ANK1: variants seen among roughly 807,000 people sequenced by gnomAD.
The protein encoded by ANK1 is ankyrin-1.
Under a neutral mutation model 210.4 loss-of-function variants are expected in ANK1, and 51 were observed. That is an observed-to-expected ratio of 0.24 (90% CI 0.19 to 0.31). The LOEUF is 0.31. Among genes scored for constraint, ANK1 ranks in the 10% least tolerant of loss-of-function variants. The probability of loss-of-function intolerance (pLI) is 1.00; values close to 1 mark genes in which losing one functional copy is unlikely to be tolerated. For missense variants in ANK1, 2,051 were observed against 2,504.4 expected, an observed-to-expected ratio of 0.82 and a Z score of 3.86; for synonymous variants, 967 against 1,025.9, an observed-to-expected ratio of 0.94 and a Z score of 1.10.
intron 1 of ANK1, among the ~76,000 whole-genome samples, chr8:41,790,287 C>T (rs1213870182): frequency 6.6e-6 from 1 of 152,064 alleles, no homozygotes; most frequent in Non-Finnish European, 1.5e-5. Context: ...GCTGAGATTA[C>T]AGGCACCCAC....
Position 41,725,836 on chromosome 8 carries a change from G to A in ANK1, c.537C>T (p.Ile179=), listed in dbSNP as rs2150658976. ...KGKVRLPALH[I]AARNDDTRTA... ...TGCGCGTGTCGTCGTTGCGGGCCGC[G>A]ATGTGCAGGGCCGGGAGGCGCACCT... Residue 179 remains isoleucine (I), a synonymous_variant, in exon 6 of 43, where the codon ATC becomes ATT. Transcript: ENST00000289734. 6.2e-7 allele frequency: 1 copy of A among 1,612,022 alleles called. No homozygotes were observed. The highest frequency in any genetic ancestry group is 8.5e-7 in the Non-Finnish European group (1 of 1,179,616).
chr8:41,882,425 C>T (rs1004999756), intron 1 of ANK1, among the ~76,000 whole-genome samples: 1 of 152,158 alleles, frequency 6.6e-6, no homozygotes, highest in African/African-American at 2.4e-5. Context: ...TCCCCAGCCC[C>T]AGCTGAGCAG....
chr8:41,690,845 G>A (rs1172052621), intron 31 of ANK1, among the ~76,000 whole-genome samples: 1 of 152,218 alleles, frequency 6.6e-6, no homozygotes, highest in East Asian at 1.9e-4. Context: ...TCCCTGAGAT[G>A]TTGATGGGAA....
At chr8:41,833,017 G>A (rs1487238577) in intron 1 of ANK1, among the ~76,000 whole-genome samples, 1 of 152,194 alleles carries the variant, frequency 6.6e-6, no homozygotes, top group South Asian at 2.1e-4. Context: ...TGAGGAAGGG[G>A]CACAAAAGGC....
At chr8:41,838,662 A>G (rs1808254210) in intron 1 of ANK1, among the ~76,000 whole-genome samples, 1 of 151,814 alleles carries the variant, frequency 6.6e-6, no homozygotes, top group Admixed American at 6.6e-5. Context: ...GCTACTCAGG[A>G]GGCTGGGCAG....
chr8:41,780,032 A>G (rs1844944288), intron 1 of ANK1, among the ~76,000 whole-genome samples: 1 of 152,190 alleles, frequency 6.6e-6, no homozygotes, highest in South Asian at 2.1e-4. Context: ...CCCCTTGTTC[A>G]GGCCACTAAC....
chr8:41,826,019 G>T (rs1034281068), intron 1 of ANK1, among the ~76,000 whole-genome samples: 9 of 152,084 alleles, frequency 5.9e-5, no homozygotes, highest in African/African-American at 2.2e-4. Context: ...ATACACCCTT[G>T]GTCCTGCCCA....
At chr8:41,757,901 C>T (rs1182013696) in intron 2 of ANK1, 135 bp downstream of exon 2, 8 of 865,674 alleles carry the variant, frequency 9.2e-6, no homozygotes, top group Non-Finnish European at 1.5e-5. Flanking sequence ...TTAGGGCCTT[C>T]CACAGGCAGG....
At chr8:41,688,053 G>A in intron 35 of ANK1, 103 bp downstream of exon 35, 1 of 1,341,214 alleles carries the variant, frequency 7.5e-7, no homozygotes. Context: ...TAACCCACGG[G>A]TGATAAAAGG....
rs1586155646 is a variant in ANK1 at position 41,694,117 on chromosome 8, A to T, written c.3328-15T>A. 4 of 1,612,118 alleles carry T rather than the reference A, an allele frequency of 2.5e-6. No homozygotes were observed. Among genetic ancestry groups the T allele is most frequent in the Non-Finnish European group, 2.5e-6 (3 of 1,179,126 alleles). On this transcript the variant is annotated splice_polypyrimidine_tract_variant and intron_variant, in intron 28 of 42. Transcript: ENST00000289734. This position sits in a 1 kb window ranked among gnomAD's most constrained non-coding sequence, Gnocchi z 5.7. ...ACAGGCTGGGCCTGTGAAATGACAG[A>T]GGCAGGACACTCAGGCCCAAGCAGG...
intron 3 of ANK1, among the ~76,000 whole-genome samples, chr8:41,732,210 C>T (rs16890785): frequency 0.05 from 7,673 of 152,022 alleles, 448 homozygotes; most frequent in African/African-American, 0.14. Flanking sequence ...GCTTGAGAGG[C>T]GGCAAACTGT....
chr8:41,891,704 T>G (rs1819488428), intron 1 of ANK1, among the ~76,000 whole-genome samples: 1 of 152,124 alleles, frequency 6.6e-6, no homozygotes, highest in Non-Finnish European at 1.5e-5. Flanking sequence ...CTGGGAAAAT[T>G]CCCACATCTT....
At chr8:41,771,610 T>C (rs1381897265) in intron 1 of ANK1, among the ~76,000 whole-genome samples, 1 of 152,226 alleles carries the variant, frequency 6.6e-6, no homozygotes, top group Non-Finnish European at 1.5e-5. Flanking sequence ...TGTAGCTTCA[T>C]GGAGTCTTCA....
rs770367348 is a variant in ANK1, at chr8:41,686,231, C to T, written c.4311G>A (p.Val1437=). Residue 1437 remains valine, a synonymous_variant, in exon 36 of 43, where the codon GTG becomes GTA. Transcript: ENST00000289734. ...FSVEDINRIR[V]ENPNSLLEQS... The stretch of plus-strand genomic sequence containing the variant: ...GCTCCAACAGGGAGTTGGGATTTTC[C>T]ACTCGGATCCTGTTGATGTCTTCCA... The T allele has an allele frequency of 1.2e-6, 2 of 1,614,130 alleles. No individual in the cohort carries two copies.
intron 30 of ANK1, 92 bp downstream of exon 30, chr8:41,693,013 G>T: frequency 6.6e-7 from 1 of 1,508,304 alleles, no homozygotes; most frequent in Non-Finnish European, 9.2e-7. Context: ...ACATGGAGGG[G>T]ACAGTGAGGG....
At chr8:41,688,018 C>T in intron 35 of ANK1, 138 bp downstream of exon 35, 2 of 1,100,928 alleles carry the variant, frequency 1.8e-6, no homozygotes, top group Non-Finnish European at 1.4e-6. Context: ...GGCAGCAGAC[C>T]CAGCTCAGAC....
chr8:41,698,736 G>C (rs1248098169), intron 23 of ANK1, among the ~76,000 whole-genome samples: 3 of 152,174 alleles, frequency 2.0e-5, no homozygotes, highest in Non-Finnish European at 4.4e-5. Context: ...CTCAGGGGCA[G>C]AGGTATACAG....
At chr8:41,716,215 T>C (rs1451087453) in intron 13 of ANK1, among the ~76,000 whole-genome samples, 1 of 152,072 alleles carries the variant, frequency 6.6e-6, no homozygotes, top group Admixed American at 6.6e-5. Flanking sequence ...CTCAATGCAG[T>C]GTGGCTGCTC....
At chr8:41,723,699 C>T (rs577330878) in intron 7 of ANK1, 66 bp from the exon 8 acceptor site, 31 of 1,452,912 alleles carry the variant, frequency 2.1e-5, no homozygotes, top group African/African-American at 1.5e-4. Flanking sequence ...GCTGTGCACC[C>T]GCTCCCCTTG....
Sources: gnomAD v4.1 joint callset for allele counts (sites outside exome capture counted in the v4.1 genomes callset) on GRCh38, gnomAD v4.1.1 for gene constraint, Gnocchi (gnomAD v3.1) non-coding constraint, MANE v1.5 for transcripts, NCBI Gene and HGNC (gene_info 2026-07-23, HGNC 2026-07-21) for gene names.